The following PPP1R21 variants were observed in gnomAD, a reference collection of about 807,000 sequenced individuals.
PPP1R21 encodes the protein protein phosphatase 1 regulatory subunit 21.
Under a neutral mutation model 112.8 loss-of-function variants are expected in PPP1R21, and 85 were observed. The observed-to-expected ratio is 0.75, with a 90% CI of 0.63 to 0.90. The LOEUF (loss-of-function observed/expected upper bound fraction) is 0.90. Ranked by LOEUF, PPP1R21 falls within the 40% of genes least tolerant of loss-of-function variation. The probability of loss-of-function intolerance (pLI) is 0.00; values close to 1 mark genes in which losing one functional copy is unlikely to be tolerated. For synonymous variants in PPP1R21, 381 were observed against 322.3 expected (o/e 1.18, Z -1.95); for missense variants, 1,199 against 901.5 (o/e 1.33, Z -4.23).
chr2:48,450,316 T>G (rs1289646916), intron 1 of PPP1R21, among the ~76,000 whole-genome samples: 8 of 152,310 alleles, frequency 5.3e-5, no homozygotes, highest in Admixed American at 5.2e-4. Flanking sequence ...AAAATGGAGG[T>G]AATTAGAGTA....
intron 2 of PPP1R21, 143 bp downstream of exon 2, chr2:48,451,219 G>T (rs1338389738): frequency 1.6e-6 from 1 of 630,506 alleles, no homozygotes; most frequent in South Asian, 2.0e-5. Context: ...GTCTTTTGTG[G>T]TTAATTTTCC....
rs11887248 is a variant in PPP1R21 at position 48,493,847 on chromosome 2, C to T, written c.1600-1832C>T. On this transcript the variant is annotated intron_variant, in intron 15 of 21. Transcript: ENST00000294952. Reference sequence around the variant, plus strand: ...TTCTTCATCTATTTTGGTGCAAGTCCTTATGGTTTTAGTTAGTGTAGCTTA... The same window carrying T: ...TTCTTCATCTATTTTGGTGCAAGTCTTTATGGTTTTAGTTAGTGTAGCTTA... Among the ~76,000 whole-genome samples, 236 of 151,792 alleles carry T rather than the reference C, an allele frequency of 1.6e-3. 1 individual carries two copies. Among genetic ancestry groups the T allele is most frequent in the African/African-American group, 5.4e-3 (224 of 41,360 alleles).
In PPP1R21 at chr2:48,474,716, A is replaced by C. The variant is rs756157455; in HGVS notation, c.1122A>C (p.Thr374=). Residue 374 remains threonine, a synonymous_variant, in exon 12 of 22, where the codon ACA becomes ACC. Transcript: ENST00000294952. ...LEEECESSLC[T]SALRARNLEL... Reference sequence around the variant, plus strand: ...AAGAATGTGAATCCTCTCTTTGCACATCTGCGTTAAGAGCCAGGAATCTAG... The same window carrying C: ...AAGAATGTGAATCCTCTCTTTGCACCTCTGCGTTAAGAGCCAGGAATCTAG... 6.2e-7 allele frequency: 1 copy of C among 1,612,570 alleles called. No individual in the cohort carries two copies. Among genetic ancestry groups the C allele is most frequent in the South Asian group, 1.1e-5 (1 of 90,708 alleles).
At chr2:48,505,658 A>T in intron 18 of PPP1R21, 62 bp downstream of exon 18, 2 of 1,340,542 alleles carry the variant, frequency 1.5e-6, no homozygotes, top group African/African-American at 2.9e-5. Flanking sequence ...TTTGTTGACA[A>T]AGTCCTGCAA....
chr2:48,507,109 C>T (rs1234420053), intron 18 of PPP1R21, 160 bp from the exon 19 acceptor site: 3 of 1,025,658 alleles, frequency 2.9e-6, no homozygotes, highest in Non-Finnish European at 1.3e-6. Context: ...ATACACTTCC[C>T]TGCTATGTCT....
chr2:48,468,399 C>G (rs1196014843), intron 9 of PPP1R21, among the ~76,000 whole-genome samples: 2 of 152,060 alleles, frequency 1.3e-5, no homozygotes, highest in Admixed American at 6.6e-5. Context: ...AAACATTGGG[C>G]CTTTGAAATG....
At chr2:48,481,731 TA>T (rs1049821347) in intron 13 of PPP1R21, among the ~76,000 whole-genome samples, 8 of 149,600 alleles carry the variant, frequency 5.3e-5, no homozygotes, top group Admixed American at 2.0e-4. Context: ...AACAATAAAA[TA>T]AAAAAAAAAT....
intron 15 of PPP1R21, among the ~76,000 whole-genome samples, chr2:48,495,234 C>T (rs1483714736): frequency 4.0e-5 from 6 of 151,826 alleles, no homozygotes; most frequent in Admixed American, 1.3e-4. Flanking sequence ...GACGGAGTCT[C>T]GCTCTGTTGT....
chr2:48,467,675 A>C (rs1394511806), intron 9 of PPP1R21, among the ~76,000 whole-genome samples: 1 of 152,226 alleles, frequency 6.6e-6, no homozygotes. Context: ...GCAAGGTGGA[A>C]GCCACAGTGC....
At chr2:48,442,255 A>AT (rs1667062782) in intron 1 of PPP1R21, among the ~76,000 whole-genome samples, 1 of 152,178 alleles carries the variant, frequency 6.6e-6, no homozygotes. Context: ...TGGCTCTACT[A>AT]TTTTTGGTTG....
At chr2:48,495,494 G>A (rs1040923416) in intron 15 of PPP1R21, among the ~76,000 whole-genome samples, 185 bp from the exon 16 acceptor site, 15 of 152,130 alleles carry the variant, frequency 9.9e-5, no homozygotes, top group Admixed American at 6.6e-4. Context: ...GAGCCACCGC[G>A]CCCAGGCTAT....
chr2:48,486,359 C>T (rs1339496303), intron 13 of PPP1R21, among the ~76,000 whole-genome samples: 2 of 152,004 alleles, frequency 1.3e-5, no homozygotes, highest in African/African-American at 2.4e-5. Flanking sequence ...GGATCATTTA[C>T]CCAATGTTAG....
At chr2:48,473,115 T>C (rs1299889160) in intron 11 of PPP1R21, among the ~76,000 whole-genome samples, 2 of 151,298 alleles carry the variant, frequency 1.3e-5, no homozygotes, top group Admixed American at 6.6e-5. Flanking sequence ...AAAATTAATA[T>C]ATATTAAGAG....
At chr2:48,488,492 G>A (rs1037796865) in intron 14 of PPP1R21, among the ~76,000 whole-genome samples, 2 of 151,662 alleles carry the variant, frequency 1.3e-5, no homozygotes, top group African/African-American at 4.9e-5. Flanking sequence ...TCAGCCTCCC[G>A]AGTAGCTGGG....
At chr2:48,470,797 C>T (rs1020103062) in intron 9 of PPP1R21, among the ~76,000 whole-genome samples, 2 of 152,126 alleles carry the variant, frequency 1.3e-5, no homozygotes, top group African/African-American at 4.8e-5. Flanking sequence ...TCCCTATTTC[C>T]TCTGATGCCT....
intron 13 of PPP1R21, among the ~76,000 whole-genome samples, chr2:48,482,659 T>TA (rs1669073551): frequency 6.6e-6 from 1 of 151,946 alleles, no homozygotes; most frequent in Non-Finnish European, 1.5e-5. Context: ...TTTTTTTTTT[T>TA]TTTTAGGATG....
chr2:48,471,074 C>A lies in PPP1R21; in HGVS notation c.898-13C>A. ...CCAGTGATTTAATTCACAATACTTT[C>A]CCTCCTGTTTAGTTCTCACAATACC... On this transcript the variant is annotated splice_polypyrimidine_tract_variant and intron_variant, in intron 9 of 21. Transcript: ENST00000294952. The A allele has an allele frequency of 2.0e-6, 3 of 1,524,738 alleles. No homozygotes were observed. Among genetic ancestry groups the A allele is most frequent in the South Asian group, 1.1e-5 (1 of 88,822 alleles). The allele number at this position is 1,524,738 out of a possible 1,614,324, so 94.5% of individuals were successfully genotyped here. A position where few individuals can be genotyped will look rare whatever the true frequency, so the allele number is the denominator to read the frequency against.
At position 48,503,985 on chromosome 2, in the gene PPP1R21, T is replaced by G. The variant is rs190468750; in HGVS notation, c.1936-1579T>G. Among the ~76,000 whole-genome samples the G allele has an allele frequency of 2.7e-3, 411 of 151,792 alleles. 1 individual carries two copies. The highest frequency in any genetic ancestry group is 4.5e-3 in the Non-Finnish European group (309 of 67,944). On this transcript the variant is annotated intron_variant, in intron 17 of 21. Coordinates refer to ENST00000294952, the MANE Select transcript of PPP1R21 (RefSeq NM_001135629.3). ...AAAAAAAAAGTTTTCCTTGCATTTA[T>G]ACAGTACCATTCCTTTGAAGGACTT...
rs1342576391 is a variant in PPP1R21, at chr2:48,460,092, C to T, written c.541-3C>T. 2 of 1,613,994 alleles carry T rather than the reference C, an allele frequency of 1.2e-6. No homozygotes were observed. The highest frequency in any genetic ancestry group is 1.7e-5 in the Admixed American group (1 of 59,998). ...CTGTGTTTCTTTTTCTTCTGAAATT[C>T]AGGTGAAATCTCAGACTCTAGAAAA... On this transcript the variant is annotated splice_region_variant and splice_polypyrimidine_tract_variant and intron_variant, in intron 5 of 21. Transcript: ENST00000294952.
Sources: gnomAD v4.1 joint callset for allele counts (sites outside exome capture counted in the v4.1 genomes callset) on GRCh38, gnomAD v4.1.1 for gene constraint, MANE v1.5 for transcripts, NCBI Gene and HGNC (gene_info 2026-07-23, HGNC 2026-07-21) for gene names.